DCBLD1: variants seen among roughly 807,000 people sequenced by gnomAD.
DCBLD1 encodes discoidin, CUB and LCCL domain containing 1.
A neutral mutation model predicts 71.5 loss-of-function variants in DCBLD1; 57 were observed. That is an observed-to-expected ratio of 0.80 (90% CI 0.64 to 0.99). DCBLD1 has a LOEUF of 0.99. Among genes scored for constraint, DCBLD1 ranks in the 50% least tolerant of loss-of-function variants. DCBLD1 has a pLI of 0.00. For synonymous variants in DCBLD1, 380 were observed against 363.8 expected (o/e 1.04, Z -0.51); for missense variants, 891 against 923.5 (o/e 0.96, Z 0.46).
intron 1 of DCBLD1, among the ~76,000 whole-genome samples, chr6:117,493,750 C>A (rs1777376136): frequency 6.6e-6 from 1 of 152,144 alleles, no homozygotes; most frequent in African/African-American, 2.4e-5. Flanking sequence ...AGGTTAGGGT[C>A]TGATCCCAGC....
chr6:117,549,742 T>C lies in DCBLD1; in HGVS notation c.*1303T>C, dbSNP rs1779394278. On this transcript the variant is annotated 3_prime_UTR_variant, in exon 15 of 15. Transcript: ENST00000338728. ...TGTGGAGGGGAAATGGTTTACTTTG[T>C]AGAGTTTACATGGTTTTATGCGCAC... is the stretch of plus-strand genomic sequence containing the variant. 5 of 985,328 alleles carry C rather than the reference T, an allele frequency of 5.1e-6. No individual in the cohort carries two copies. The highest frequency in any genetic ancestry group is 6.0e-6 in the Non-Finnish European group (5 of 829,952). The allele number at this position is 985,328 out of a possible 1,614,324, so 61.0% of individuals were successfully genotyped here. A position where few individuals can be genotyped will look rare whatever the true frequency, so the allele number is the denominator to read the frequency against.
chr6:117,504,490 G>A (rs1447322271), intron 2 of DCBLD1, among the ~76,000 whole-genome samples: 1 of 152,200 alleles, frequency 6.6e-6, no homozygotes, highest in African/African-American at 2.4e-5. Flanking sequence ...GTGATGTAGA[G>A]CCTGCGTTTG....
At chr6:117,490,093 GCACACACACACACA>G (rs34912807) in intron 1 of DCBLD1, among the ~76,000 whole-genome samples, 4 of 147,222 alleles carry the variant, frequency 2.7e-5, no homozygotes, top group South Asian at 2.1e-4. Flanking sequence ...TTATGTAAAT[GCACACACACACACA>G]CACACACACA....
chr6:117,524,411 C>T (rs929947642), intron 4 of DCBLD1, among the ~76,000 whole-genome samples: 1 of 152,054 alleles, frequency 6.6e-6, no homozygotes, highest in African/African-American at 2.4e-5. Context: ...ACCATGTTGG[C>T]CAGTCTGATC....
At chr6:117,504,800 A>G (rs1456952083) in intron 2 of DCBLD1, among the ~76,000 whole-genome samples, 1 of 152,206 alleles carries the variant, frequency 6.6e-6, no homozygotes, top group Non-Finnish European at 1.5e-5. Context: ...AACGATAACA[A>G]AATCTTACAT....
At chr6:117,485,530 T>C (rs1777055307) in intron 1 of DCBLD1, among the ~76,000 whole-genome samples, 3 of 152,220 alleles carry the variant, frequency 2.0e-5, no homozygotes, top group Non-Finnish European at 1.5e-5. Flanking sequence ...TTCTGTCACC[T>C]TCTGTACCAG....
chr6:117,508,320 C>T (rs1294381628), intron 2 of DCBLD1, among the ~76,000 whole-genome samples: 1 of 152,186 alleles, frequency 6.6e-6, no homozygotes, highest in Non-Finnish European at 1.5e-5. Flanking sequence ...GTCCTGTTCT[C>T]AGTTCCCCCC....
chr6:117,543,246 A>T, intron 12 of DCBLD1, 35 bp downstream of exon 12: 2 of 1,597,630 alleles, frequency 1.3e-6, no homozygotes, highest in East Asian at 4.5e-5. Context: ...TTTCTTCTCT[A>T]ATTATGCGAA....
intron 2 of DCBLD1, among the ~76,000 whole-genome samples, chr6:117,505,851 C>T (rs559009425): frequency 6.6e-6 from 1 of 152,268 alleles, no homozygotes; most frequent in South Asian, 2.1e-4. Context: ...AGCTACGTAT[C>T]TCAAGCTAGC....
intron 1 of DCBLD1, among the ~76,000 whole-genome samples, chr6:117,500,625 G>C (rs575636373): frequency 6.6e-6 from 1 of 152,204 alleles, no homozygotes; most frequent in Non-Finnish European, 1.5e-5. Context: ...CCAGCACTTT[G>C]GGAGGCCGAG....
rs1344354771 is a variant in DCBLD1 at position 117,503,883 on chromosome 6, G to A, written c.229G>A (p.Gly77Arg). Residue 77 changes from glycine to arginine, a missense_variant, in exon 2 of 15, where the codon GGG becomes AGG. Transcript: ENST00000338728. ...CGAAAAGACAATTACAGTACCAAAGGGGAAAAGACTGATTCTGAGGTTGGG... is the reference window on the plus strand; with the variant it reads ...CGAAAAGACAATTACAGTACCAAAGAGGAAAAGACTGATTCTGAGGTTGGG... ...VCEKTITVPK[G>R]KRLILRLGDL... 3.1e-6 allele frequency: 5 copies of A among 1,614,072 alleles called. No homozygotes were observed. Among genetic ancestry groups the A allele is most frequent in the Non-Finnish European group, 4.2e-6 (5 of 1,180,000 alleles).
chr6:117,557,939 C>T (rs1259066103), intron 14 of DCBLD1, among the ~76,000 whole-genome samples: 1 of 152,168 alleles, frequency 6.6e-6, no homozygotes, highest in Non-Finnish European at 1.5e-5. Context: ...ACAGGCCTGG[C>T]AGCAGACTAG....
Position 117,539,351 on chromosome 6 carries a change from A to G in DCBLD1, c.1073A>G (p.Tyr358Cys), listed in dbSNP as rs112045650. The G allele has an allele frequency of 6.2e-7, 1 of 1,604,412 alleles. No homozygotes were observed. The highest frequency in any genetic ancestry group is 2.2e-5 in the East Asian group (1 of 44,766). The change falls in exon 9 of 15, where the codon TAT becomes TGT. Residue 358 changes from tyrosine (Y) to cysteine (C), a missense_variant. By Grantham distance (194) the Tyr-to-Cys change is radical. Transcript: ENST00000338728. Reference sequence around the variant, plus strand: ...AACAATAATTCTAAGTGGAAGACCTATAAAGGAATTGTGAATAATGAAGAA... The same window carrying G: ...AACAATAATTCTAAGTGGAAGACCTGTAAAGGAATTGTGAATAATGAAGAA... ...FKNNNSKWKT[Y>C]KGIVNNEEKV...
At chr6:117,521,650 A>G (rs1289672929) in intron 4 of DCBLD1, 74 bp downstream of exon 4, 10 of 1,279,810 alleles carry the variant, frequency 7.8e-6, no homozygotes, top group Non-Finnish European at 1.1e-5. Context: ...GTTAAACCAG[A>G]TACGTTTGTA....
chr6:117,526,319 A>G (rs1366278525), intron 5 of DCBLD1, among the ~76,000 whole-genome samples: 3 of 152,172 alleles, frequency 2.0e-5, no homozygotes, highest in Non-Finnish European at 4.4e-5. Flanking sequence ...CATTTGACCT[A>G]TAAATTGACT....
chr6:117,559,305 A>G (rs12181630), intron 14 of DCBLD1, among the ~76,000 whole-genome samples: 2,410 of 152,340 alleles, frequency 0.016, 50 homozygotes, highest in African/African-American at 0.055. Context: ...CTGGAAGGCA[A>G]TGAGATCACA....
intron 4 of DCBLD1, among the ~76,000 whole-genome samples, chr6:117,523,350 T>C (rs1002387674): frequency 6.6e-6 from 1 of 152,340 alleles, no homozygotes; most frequent in South Asian, 2.1e-4. Context: ...TTGTAACTCA[T>C]TTGGTGGTGA....
intron 2 of DCBLD1, among the ~76,000 whole-genome samples, chr6:117,509,261 A>G (rs1197260591): frequency 1.3e-5 from 2 of 152,022 alleles, no homozygotes; most frequent in Non-Finnish European, 1.5e-5. Context: ...GCAACCCCCC[A>G]TCTCTACAAA....
chr6:117,488,365 C>G (rs116471254), intron 1 of DCBLD1, among the ~76,000 whole-genome samples: 1 of 152,238 alleles, frequency 6.6e-6, no homozygotes, highest in East Asian at 1.9e-4. Flanking sequence ...ATAACTAGGC[C>G]GGGCAGGGCG....
Sources: allele counts gnomAD v4.1 joint callset (sites outside exome capture counted in the v4.1 genomes callset), GRCh38; gene constraint gnomAD v4.1.1; transcripts MANE v1.5; gene names NCBI Gene and HGNC (gene_info 2026-07-23, HGNC 2026-07-21).